The following MAML1 variants were observed in gnomAD, a reference collection of about 807,000 sequenced individuals.
The protein encoded by MAML1 is mastermind like transcriptional coactivator 1.
A neutral mutation model predicts 77.1 loss-of-function variants in MAML1; 14 were observed. The ratio of observed to expected loss-of-function variants is 0.18; its 90% CI spans 0.12 to 0.28. MAML1 has a LOEUF of 0.28. Ranked by LOEUF, MAML1 falls within the 10% of genes least tolerant of loss-of-function variation. MAML1 has a pLI of 1.00. For synonymous variants in MAML1, 516 were observed against 551.9 expected, an observed-to-expected ratio of 0.93 and a Z score of 0.91; for missense variants, 1,217 against 1,327.8, an observed-to-expected ratio of 0.92 and a Z score of 1.30.
At chr5:179,748,627 A>G (rs1473973244) in intron 1 of MAML1, among the ~76,000 whole-genome samples, 2 of 152,264 alleles carry the variant, frequency 1.3e-5, no homozygotes, top group Admixed American at 1.3e-4. Context: ...AGTGACCTAT[A>G]AAATAGTTGA....
At chr5:179,760,491 A>G (rs1048008845) in intron 1 of MAML1, among the ~76,000 whole-genome samples, 1 of 152,184 alleles carries the variant, frequency 6.6e-6, no homozygotes, top group Non-Finnish European at 1.5e-5. Flanking sequence ...AGCCAGCCGC[A>G]TGACCCCAGC....
At chr5:179,744,368 G>A (rs1779341127) in intron 1 of MAML1, among the ~76,000 whole-genome samples, 1 of 151,934 alleles carries the variant, frequency 6.6e-6, no homozygotes, top group South Asian at 2.1e-4. Flanking sequence ...TGTATTTTTA[G>A]TAGAGATGGG....
chr5:179,776,658 G>T lies in MAML1; in HGVS notation c.*1781G>T, dbSNP rs1016684593. The T allele has an allele frequency of 5.1e-6, 5 of 985,688 alleles. No homozygotes were observed. Among genetic ancestry groups the T allele is most frequent in the Non-Finnish European group, 4.8e-6 (4 of 829,988 alleles). 61.1% of individuals were successfully genotyped at this position (985,688 alleles called of 1,614,324 possible). A position where few individuals can be genotyped will look rare whatever the true frequency, so the allele number is the denominator to read the frequency against. ...TTCTCCCAAAAATCGGCTGAAGGCT[G>T]GTTGTGGATCCTTGTTCCTCTCCTG... On this transcript the variant is annotated 3_prime_UTR_variant, in exon 5 of 5. Transcript: ENST00000292599.
intron 2 of MAML1, 67 bp from the exon 3 acceptor site, chr5:179,768,783 A>T (rs1562574211): frequency 6.3e-7 from 1 of 1,575,168 alleles, no homozygotes; most frequent in Non-Finnish European, 8.6e-7. Flanking sequence ...CCTTGAATTC[A>T]CTGGATGGAG....
chr5:179,765,833 T>G lies in MAML1; in HGVS notation c.823T>G (p.Phe275Val), dbSNP rs1436567988. Reference protein sequence around the residue: ...EDMKDLFNEDFEEKKDPESSG... With the variant: ...EDMKDLFNEDVEEKKDPESSG... Reference sequence around the variant, plus strand: ...CATGAAGGACCTGTTTAATGAGGACTTCGAGGAGAAGAAGGACCCAGAGTC... The same window carrying G: ...CATGAAGGACCTGTTTAATGAGGACGTCGAGGAGAAGAAGGACCCAGAGTC... Residue 275 changes from phenylalanine (F) to valine (V), a missense_variant, in exon 2 of 5, where the codon TTC becomes GTC. Phe to Val is a conservative substitution (Grantham distance 50). Around this residue, in one of 3 missense-constraint regions of MAML1, gnomAD observed 884 missense variants for 949.3 expected, o/e 0.93. Coordinates refer to ENST00000292599, the MANE Select transcript of MAML1 (RefSeq NM_014757.5). 6.2e-7 allele frequency: 1 copy of G among 1,614,142 alleles called. No individual in the cohort carries two copies. The highest frequency in any genetic ancestry group is 1.1e-5 in the South Asian group (1 of 91,076).
chr5:179,761,484 G>A (rs1320458204), intron 1 of MAML1, among the ~76,000 whole-genome samples: 1 of 152,140 alleles, frequency 6.6e-6, no homozygotes, highest in African/African-American at 2.4e-5. Flanking sequence ...ATCACCTGAG[G>A]TCAGGAGTTT....
intron 4 of MAML1, among the ~76,000 whole-genome samples, chr5:179,773,134 C>T (rs1165157577): frequency 6.6e-6 from 1 of 152,164 alleles, no homozygotes; most frequent in Non-Finnish European, 1.5e-5. Context: ...TCGCCCGCCT[C>T]GGTCTCCCAA....
rs1779870924 is a variant in MAML1 at position 179,768,913 on chromosome 5, GCCGTGT to G, written c.1801_1806del (p.Ser601_Val602del). 1 of 1,614,174 alleles carries G rather than the reference GCCGTGT, an allele frequency of 6.2e-7. No individual in the cohort carries two copies. Among genetic ancestry groups the G allele is most frequent in the East Asian group, 2.2e-5 (1 of 44,878 alleles). ...TACCAGTGTTGGGACCCAGCCGCCT[GCCGTGT>G]CCGTGGCCAGCTCCCACAACAGCTC... On this transcript the variant is annotated inframe_deletion, in exon 3 of 5. Coordinates refer to ENST00000292599, the MANE Select transcript of MAML1 (RefSeq NM_014757.5).
At chr5:179,756,287 TGG>T (rs1779614424) in intron 1 of MAML1, among the ~76,000 whole-genome samples, 1 of 151,240 alleles carries the variant, frequency 6.6e-6, no homozygotes, top group Non-Finnish European at 1.5e-5. Context: ...TGGCCGGGTG[TGG>T]TGGCGGGCGC....
rs757964424 is a variant in MAML1, at chr5:179,766,441, C to T, written c.1431C>T (p.Pro477=). The change falls in exon 2 of 5, where the codon CCC becomes CCT. Residue 477 remains proline, a synonymous_variant. Coordinates refer to ENST00000292599, the MANE Select transcript of MAML1 (RefSeq NM_014757.5). The surrounding 1 kb of genome is among the most constrained non-coding windows in gnomAD (Gnocchi z 4.0). ...GTGTGAATAAGAGTTCCCCTCGGCC[C>T]GGAGGCCCCTACCTCCAGCCCAGCC... is the stretch of plus-strand genomic sequence containing the variant. ...MPSVNKSSPR[P]GGPYLQPSHV... is the part of the protein sequence containing the mutation. The T allele has an allele frequency of 8.1e-6, 13 of 1,612,648 alleles. No homozygotes were observed. The highest frequency in any genetic ancestry group is 3.3e-5 in the South Asian group (3 of 90,898).
Position 179,769,655 on chromosome 5 carries a change from C to A in MAML1, c.1971+566C>A, listed in dbSNP as rs773378978. The stretch of plus-strand genomic sequence containing the variant: ...GCAGCCTCCACCTCATGGGTTCATG[C>A]AATTCTCCTGCCTCAGCCTCCCGAG... On this transcript the variant is annotated intron_variant, in intron 3 of 4. Coordinates refer to ENST00000292599, the MANE Select transcript of MAML1 (RefSeq NM_014757.5). The surrounding 1 kb of genome is among the most constrained non-coding windows in gnomAD (Gnocchi z 4.2). 5.9e-5 allele frequency among the ~76,000 whole-genome samples: 9 copies of A among 152,038 alleles called. No individual in the cohort carries two copies. Among genetic ancestry groups the A allele is most frequent in the Non-Finnish European group, 8.8e-5 (6 of 68,024 alleles).
Position 179,766,836 on chromosome 5 carries a change from G to A in MAML1, c.1731+95G>A. The A allele has an allele frequency of 1.9e-6, 2 of 1,037,966 alleles. No individual in the cohort carries two copies. Among genetic ancestry groups the A allele is most frequent in the South Asian group, 4.1e-5 (2 of 49,262 alleles). 64.3% of individuals were successfully genotyped at this position (1,037,966 alleles called of 1,614,324 possible). The stretch of plus-strand genomic sequence containing the variant: ...TGTTAATTGGATCCGAGGTAGTTGT[G>A]GGAAGAGGGAGGAGGGAATAGCTGC... On this transcript the variant is annotated intron_variant, in intron 2 of 4. Transcript: ENST00000292599. This position sits in a 1 kb window ranked among gnomAD's most constrained non-coding sequence, Gnocchi z 4.0.
In MAML1 at chr5:179,775,559, T is replaced by C. The variant is rs557512926; in HGVS notation, c.*682T>C. 8 of 985,394 alleles carry C rather than the reference T, an allele frequency of 8.1e-6. No individual in the cohort carries two copies. Among genetic ancestry groups the C allele is most frequent in the Non-Finnish European group, 1.2e-6 (1 of 829,908 alleles). The allele number at this position is 985,394 out of a possible 1,614,324, so 61.0% of individuals were successfully genotyped here. A position where few individuals can be genotyped will look rare whatever the true frequency, so the allele number is the denominator to read the frequency against. ...AGGAGGCATGGGATAGCAGGTCTGG[T>C]GACACAGCTAGGGTCTTCCTAGCAG... On this transcript the variant is annotated 3_prime_UTR_variant, in exon 5 of 5. Transcript: ENST00000292599.
intron 1 of MAML1, among the ~76,000 whole-genome samples, chr5:179,753,654 A>ATTAT (rs1554150374): frequency 5.3e-4 from 47 of 88,852 alleles, no homozygotes; most frequent in South Asian, 4.0e-3. Context: ...TATTATTATT[A>ATTAT]TTTTTTTTTT....
At chr5:179,768,241 G>T (rs750453632) in intron 2 of MAML1, among the ~76,000 whole-genome samples, 4 of 152,196 alleles carry the variant, frequency 2.6e-5, no homozygotes, top group African/African-American at 4.8e-5. Flanking sequence ...TGGAGCACCT[G>T]AGGTCGGGAG....
chr5:179,749,011 G>A (rs1022960544), intron 1 of MAML1, among the ~76,000 whole-genome samples: 3 of 151,878 alleles, frequency 2.0e-5, no homozygotes, highest in African/African-American at 7.3e-5. Context: ...TGTCGCCCGG[G>A]CTGGAATTCA....
chr5:179,758,821 G>A (rs2113365807), intron 1 of MAML1, among the ~76,000 whole-genome samples: 1 of 152,168 alleles, frequency 6.6e-6, no homozygotes, highest in Middle Eastern at 3.4e-3. Flanking sequence ...TCGCCAACAT[G>A]GTGAAACCCC....
chr5:179,737,759 G>T (rs1779195353), intron 1 of MAML1, among the ~76,000 whole-genome samples: 1 of 94,626 alleles, frequency 1.1e-5, no homozygotes, highest in African/African-American at 2.9e-5. Context: ...CACTGTTTCA[G>T]GCTTTTTCTC....
In MAML1 at chr5:179,774,757, G is replaced by A; in HGVS notation, c.2931G>A (p.Gln977=). 1 of 1,613,276 alleles carries A rather than the reference G, an allele frequency of 6.2e-7. No homozygotes were observed. ...GQELPFAYSG[Q]PGGSGLSSVA... ...AGCTGCCTTTTGCCTATAGCGGGCA[G>A]CCAGGTGGCAGTGGGCTCTCTAGTG... is the stretch of plus-strand genomic sequence containing the variant. Residue 977 remains glutamine, a synonymous_variant, in exon 5 of 5, where the codon CAG becomes CAA. Coordinates refer to ENST00000292599, the MANE Select transcript of MAML1 (RefSeq NM_014757.5).
Sources: gnomAD v4.1 joint callset for allele counts (sites outside exome capture counted in the v4.1 genomes callset) on GRCh38, gnomAD v4.1.1 for gene constraint, gnomAD v4.1.1 regional missense constraint, Gnocchi (gnomAD v3.1) non-coding constraint, MANE v1.5 for transcripts, NCBI Gene and HGNC (gene_info 2026-07-23, HGNC 2026-07-21) for gene names.